The following STK32A variants were observed in gnomAD, a reference collection of about 807,000 sequenced individuals.
STK32A encodes the protein serine/threonine-protein kinase 32A.
A neutral mutation model predicts 53.2 loss-of-function variants in STK32A; 41 were observed. The observed-to-expected ratio is 0.77, with a 90% confidence interval of 0.60 to 1.00. The LOEUF is 1.00. Among genes scored for constraint, STK32A ranks in the 50% least tolerant of loss-of-function variants. The pLI is 0.00. For missense variants in STK32A, 458 were observed against 485.8 expected (o/e 0.94, Z 0.54); for synonymous variants, 166 against 162.8 (o/e 1.02, Z -0.15).
intron 2 of STK32A, among the ~76,000 whole-genome samples, chr5:147,253,279 T>C (rs12654852): frequency 0.1 from 15,615 of 152,162 alleles, 832 homozygotes; most frequent in Middle Eastern, 0.12. Context: ...GCAATAATCC[T>C]TTGATCCTGA....
intron 4 of STK32A, among the ~76,000 whole-genome samples, chr5:147,290,134 T>C (rs1438124494): frequency 6.6e-6 from 1 of 152,158 alleles, no homozygotes; most frequent in African/African-American, 2.4e-5. Context: ...TGAGCAGAAA[T>C]AGACGGAGCC....
chr5:147,388,552 T>A (rs1197126195), downstream of STK32A, among the ~76,000 whole-genome samples: 2 of 152,246 alleles, frequency 1.3e-5, no homozygotes, highest in Non-Finnish European at 2.9e-5. Context: ...CTTCAGATTC[T>A]GAAAAGTACC....
intron 2 of STK32A, among the ~76,000 whole-genome samples, chr5:147,247,245 C>T (rs1580982139): frequency 6.6e-6 from 1 of 152,136 alleles, no homozygotes; most frequent in East Asian, 1.9e-4. Context: ...CAGTGTTAGC[C>T]CTCAATTCAC....
intron 2 of STK32A, among the ~76,000 whole-genome samples, chr5:147,251,035 G>T (rs995699067): frequency 2.0e-5 from 3 of 151,794 alleles, no homozygotes; most frequent in Non-Finnish European, 4.4e-5. Flanking sequence ...TAAACAAAGA[G>T]ATGATGCCTA....
chr5:147,363,525 G>T (rs927239013), intron 8 of STK32A, among the ~76,000 whole-genome samples: 1 of 152,174 alleles, frequency 6.6e-6, no homozygotes, highest in Non-Finnish European at 1.5e-5. Context: ...ACCTGTAGTG[G>T]GAATGGCAGC....
the STK32A span, chr5:147,397,918 C>G: frequency 2.9e-6 from 4 of 1,395,054 alleles, no homozygotes; most frequent in South Asian, 6.3e-5. Flanking sequence ...TCCTTGAGAC[C>G]TTCAGTGTCA....
chr5:147,354,500 T>G (rs1756129521), intron 7 of STK32A, among the ~76,000 whole-genome samples: 1 of 152,240 alleles, frequency 6.6e-6, no homozygotes, highest in Non-Finnish European at 1.5e-5. Flanking sequence ...ACTGGGAAAT[T>G]GGAACCTAGG....
intron 2 of STK32A, among the ~76,000 whole-genome samples, chr5:147,245,789 C>T (rs942465214): frequency 3.3e-5 from 5 of 152,190 alleles, no homozygotes; most frequent in African/African-American, 1.2e-4. Flanking sequence ...TTGCATTATT[C>T]TTTGGACTTG....
chr5:147,396,141 T>A, the STK32A span, among the ~76,000 whole-genome samples: 1 of 152,004 alleles, frequency 6.6e-6, no homozygotes, highest in African/African-American at 2.4e-5. Context: ...GAAGGGTAGG[T>A]CATGACACGA....
intron 5 of STK32A, among the ~76,000 whole-genome samples, chr5:147,326,838 C>G (rs1228035756): frequency 6.6e-6 from 1 of 152,126 alleles, no homozygotes; most frequent in African/African-American, 2.4e-5. Flanking sequence ...CTAGGCAATT[C>G]AGGACCTATG....
At chr5:147,296,148 G>A (rs1752856830) in intron 4 of STK32A, among the ~76,000 whole-genome samples, 1 of 152,224 alleles carries the variant, frequency 6.6e-6, no homozygotes, top group Non-Finnish European at 1.5e-5. Flanking sequence ...GAATCTGTAT[G>A]TGTCTGCAGC....
At chr5:147,382,110 A>T (rs2152008514) in intron 11 of STK32A, among the ~76,000 whole-genome samples, 1 of 152,242 alleles carries the variant, frequency 6.6e-6, no homozygotes, top group South Asian at 2.1e-4. Flanking sequence ...TCTGTTCATT[A>T]TTCTTCAATC....
At chr5:147,270,593 C>G (rs1581019442) in intron 2 of STK32A, among the ~76,000 whole-genome samples, 2 of 152,150 alleles carry the variant, frequency 1.3e-5, no homozygotes, top group Admixed American at 6.6e-5. Flanking sequence ...AGTTAATTTA[C>G]TTACCATTTT....
chr5:147,272,339 A>AGG (rs1217354540), intron 2 of STK32A, among the ~76,000 whole-genome samples: 6 of 152,220 alleles, frequency 3.9e-5, no homozygotes, highest in African/African-American at 1.4e-4. Context: ...AGCCTCCCAA[A>AGG]GTGCTGGGAT....
Position 147,375,154 on chromosome 5 carries a change from T to C in STK32A, c.968T>C (p.Leu323Pro). 6.2e-7 allele frequency: 1 copy of C among 1,610,464 alleles called. No individual in the cohort carries two copies. The highest frequency in any genetic ancestry group is 8.5e-7 in the Non-Finnish European group (1 of 1,178,402). The change falls in exon 11 of 13, where the codon CTA (leucine) becomes CCA (proline). Residue 323 changes from leucine (L) to proline (P), a missense_variant. Coordinates refer to ENST00000397936, the MANE Select transcript of STK32A (RefSeq NM_001112724.2). ...LEEMILESKP[L>P]HKKKKRLAKK... Reference sequence around the variant, plus strand: ...GAAATGATTTTGGAGTCCAAACCTCTACATAAGAAAAAAAAGCGTCTGGCA... The same window carrying C: ...GAAATGATTTTGGAGTCCAAACCTCCACATAAGAAAAAAAAGCGTCTGGCA...
intron 4 of STK32A, among the ~76,000 whole-genome samples, chr5:147,296,177 C>T (rs1230955063): frequency 6.6e-6 from 1 of 152,132 alleles, no homozygotes. Flanking sequence ...TTCTTGCCTA[C>T]TCTCAAAATA....
chr5:147,292,049 G>A (rs1457150593), intron 4 of STK32A, among the ~76,000 whole-genome samples: 1 of 152,056 alleles, frequency 6.6e-6, no homozygotes, highest in African/African-American at 2.4e-5. Flanking sequence ...ACATAAATTG[G>A]GTGAATTTCT....
the STK32A span, among the ~76,000 whole-genome samples, chr5:147,394,502 A>G: frequency 1.2e-4 from 18 of 152,344 alleles, no homozygotes; most frequent in Non-Finnish European, 1.8e-4. Flanking sequence ...TCTGTTTTAC[A>G]GAGGAGATAA....
the STK32A span, chr5:147,393,866 G>A: frequency 8.7e-6 from 6 of 689,368 alleles, no homozygotes; most frequent in South Asian, 3.9e-5. Context: ...AGCAATATTC[G>A]TAAAGCTAGG....
Sources: gnomAD v4.1 joint callset for allele counts (sites outside exome capture counted in the v4.1 genomes callset) on GRCh38, gnomAD v4.1.1 for gene constraint, MANE v1.5 for transcripts, NCBI Gene and HGNC (gene_info 2026-07-23, HGNC 2026-07-21) for gene names.